RBM6: variants seen among roughly 807,000 people sequenced by gnomAD.
The protein encoded by RBM6 is RNA binding motif protein 6, also known as RNA-binding protein 6.
In RBM6, 23 loss-of-function variants were observed where a neutral mutation model predicts 140.4. The ratio of observed to expected loss-of-function variants is 0.16; its 90% confidence interval spans 0.12 to 0.23. RBM6 has a LOEUF of 0.23. RBM6 is among the 10% of genes least tolerant of loss of function. The probability of loss-of-function intolerance (pLI) is 1.00; values close to 1 mark genes in which losing one functional copy is unlikely to be tolerated. For missense variants in RBM6, 1,139 were observed against 1,386.7 expected, an observed-to-expected ratio of 0.82 and a Z score of 2.84; for synonymous variants, 439 against 475.6, an observed-to-expected ratio of 0.92 and a Z score of 1.00.
intron 6 of RBM6, among the ~76,000 whole-genome samples, chr3:50,023,333 T>G (rs917022899): frequency 6.6e-6 from 1 of 152,102 alleles, no homozygotes; most frequent in Non-Finnish European, 1.5e-5. Context: ...GAGACAGAGT[T>G]TCACTCTTGT....
intron 6 of RBM6, among the ~76,000 whole-genome samples, chr3:50,007,477 A>G (rs982703383): frequency 4.7e-5 from 7 of 150,244 alleles, no homozygotes; most frequent in Non-Finnish European, 8.9e-5. Context: ...GTGAGCTACC[A>G]TGTCCGGCCC....
intron 11 of RBM6, among the ~76,000 whole-genome samples, chr3:50,060,269 T>G (rs2089882912): frequency 6.6e-6 from 1 of 152,232 alleles, no homozygotes; most frequent in Non-Finnish European, 1.5e-5. Context: ...TCCCCTGACC[T>G]TGTGCATATT....
At chr3:50,066,597 G>A (rs1559652257) in intron 17 of RBM6, 95 bp downstream of exon 17, 1 of 1,457,876 alleles carries the variant, frequency 6.9e-7, no homozygotes, top group Non-Finnish European at 9.3e-7. Flanking sequence ...GGAGGCCGAG[G>A]CGGGTGGATT....
At chr3:50,062,827 CTG>C (rs2089989370) in intron 15 of RBM6, among the ~76,000 whole-genome samples, 1 of 151,500 alleles carries the variant, frequency 6.6e-6, no homozygotes, top group African/African-American at 2.4e-5. Context: ...CACGGTATAA[CTG>C]TACCTTCATT....
At chr3:49,997,667 T>C (rs1004030882) in intron 5 of RBM6, among the ~76,000 whole-genome samples, 5 of 152,206 alleles carry the variant, frequency 3.3e-5, no homozygotes, top group Admixed American at 6.5e-5. Context: ...ATTGTAGACA[T>C]GCATTTGAGT....
At chr3:50,022,874 T>A (rs141720202) in intron 6 of RBM6, among the ~76,000 whole-genome samples, 132 of 152,128 alleles carry the variant, frequency 8.7e-4, no homozygotes, top group African/African-American at 3.1e-3. Flanking sequence ...TGAGGTGGGC[T>A]GATCACTTGA....
In RBM6 at chr3:49,967,950, C is replaced by G; in HGVS notation, c.525C>G (p.Phe175Leu). The change falls in exon 3 of 21, where the codon TTC (phenylalanine) becomes TTG (leucine). Residue 175 changes from phenylalanine to leucine, a missense_variant. By Grantham distance (22) the Phe-to-Leu change is conservative. Coordinates refer to ENST00000266022, the MANE Select transcript of RBM6 (RefSeq NM_005777.3). The surrounding 1 kb of genome is among the most constrained non-coding windows in gnomAD (Gnocchi z 4.0). ...FRGRDAPPSD[F>L]RGRGTYDLDF... is the part of the protein sequence containing the mutation. ...GTAGGGATGCTCCTCCATCTGACTT[C>G]AGGGGCCGGGGCACTTATGATTTAG... 2.5e-6 allele frequency: 4 copies of G among 1,614,140 alleles called. No homozygotes were observed. The highest frequency in any genetic ancestry group is 3.4e-6 in the Non-Finnish European group (4 of 1,180,030).
chr3:50,074,629 A>G (rs2108960484), intron 19 of RBM6, among the ~76,000 whole-genome samples: 1 of 152,288 alleles, frequency 6.6e-6, no homozygotes, highest in African/African-American at 2.4e-5. Flanking sequence ...TACTGTTGCT[A>G]CATCCATGGT....
intron 1 of RBM6, among the ~76,000 whole-genome samples, chr3:49,942,496 CAAAA>C (rs34097467): frequency 1.0e-5 from 1 of 100,098 alleles, no homozygotes; most frequent in Admixed American, 1.2e-4. Flanking sequence ...GACTCCATCT[CAAAA>C]AAAAAAAAAA....
At chr3:50,020,434 T>G (rs182846409) in intron 6 of RBM6, among the ~76,000 whole-genome samples, 2 of 152,314 alleles carry the variant, frequency 1.3e-5, no homozygotes, top group Non-Finnish European at 1.5e-5. Context: ...TTTTACTGGT[T>G]TCCTAAAGTG....
chr3:50,045,372 C>G (rs887616407), intron 6 of RBM6, among the ~76,000 whole-genome samples: 1 of 152,170 alleles, frequency 6.6e-6, no homozygotes, highest in African/African-American at 2.4e-5. Context: ...GTATCTCCCT[C>G]CAGAGCCACT....
At chr3:49,957,022 G>C (rs1489092501) in intron 1 of RBM6, among the ~76,000 whole-genome samples, 1 of 152,022 alleles carries the variant, frequency 6.6e-6, no homozygotes, top group Non-Finnish European at 1.5e-5. Flanking sequence ...TTGCTGTGTT[G>C]TCCAGATTGG....
At chr3:50,029,601 C>T (rs2088031872) in intron 6 of RBM6, among the ~76,000 whole-genome samples, 1 of 151,950 alleles carries the variant, frequency 6.6e-6, no homozygotes, top group Non-Finnish European at 1.5e-5. Context: ...GGCGTGGTGG[C>T]GTGTACCTGT....
intron 2 of RBM6, among the ~76,000 whole-genome samples, chr3:49,966,048 C>T (rs1354794054): frequency 6.6e-6 from 1 of 152,094 alleles, no homozygotes; most frequent in Non-Finnish European, 1.5e-5. Flanking sequence ...ATTGCTTGAA[C>T]CCAGGAGGCA....
intron 5 of RBM6, among the ~76,000 whole-genome samples, chr3:49,998,590 C>T (rs946773079): frequency 2.0e-5 from 3 of 152,154 alleles, no homozygotes; most frequent in Non-Finnish European, 4.4e-5. Context: ...TTCCCAGTCT[C>T]GTGAGTCATA....
chr3:50,007,868 G>C (rs1222190284), intron 6 of RBM6, among the ~76,000 whole-genome samples: 1 of 152,210 alleles, frequency 6.6e-6, no homozygotes, highest in Non-Finnish European at 1.5e-5. Context: ...GAAAGAGCAG[G>C]AGACAGACAG....
chr3:49,968,159 T>C lies in RBM6; in HGVS notation c.734T>C (p.Leu245Pro). The change falls in exon 3 of 21, where the codon CTA (leucine) becomes CCA (proline). Residue 245 changes from leucine to proline, a missense_variant. Around this residue, in one of 9 missense-constraint regions of RBM6, gnomAD observed 566 missense variants for 612.7 expected, o/e 0.92. Transcript: ENST00000266022. ...FRGRGSGTTD[L>P]DFRDRDTPHS... ...GGCCGAGGTTCAGGTACTACTGATC[T>C]AGACTTTAGGGACAGGGATACGCCA... is the stretch of plus-strand genomic sequence containing the variant. The C allele has an allele frequency of 6.2e-7, 1 of 1,614,144 alleles. No individual in the cohort carries two copies. Among genetic ancestry groups the C allele is most frequent in the Non-Finnish European group, 8.5e-7 (1 of 1,180,030 alleles).
chr3:49,961,722 C>T (rs1383813560), intron 1 of RBM6, among the ~76,000 whole-genome samples: 7 of 151,202 alleles, frequency 4.6e-5, no homozygotes, highest in East Asian at 3.9e-4. Context: ...TCGCTCGAAC[C>T]GGGGAGGCAG....
chr3:50,016,261 C>T (rs920497760), intron 6 of RBM6, among the ~76,000 whole-genome samples: 4 of 152,110 alleles, frequency 2.6e-5, no homozygotes, highest in African/African-American at 9.7e-5. Flanking sequence ...CCACATGTCG[C>T]AAATGGCAGA....
Sources: gnomAD v4.1 joint callset for allele counts (sites outside exome capture counted in the v4.1 genomes callset) on GRCh38, gnomAD v4.1.1 for gene constraint, gnomAD v4.1.1 regional missense constraint, Gnocchi (gnomAD v3.1) non-coding constraint, MANE v1.5 for transcripts, NCBI Gene and HGNC (gene_info 2026-07-23, HGNC 2026-07-21) for gene names.